The following TG variants were observed in gnomAD, a reference collection of about 807,000 sequenced individuals.
TG encodes the protein thyroglobulin, also known as thyroid hormones.
TG carries 270 observed loss-of-function variants against 324.7 expected under a neutral mutation model. The observed-to-expected ratio is 0.83, with a 90% confidence interval of 0.75 to 0.92. The LOEUF is 0.92. Ranked by LOEUF, TG falls within the 40% of genes least tolerant of loss-of-function variation. The probability of loss-of-function intolerance (pLI) is 0.00; values close to 1 mark genes in which losing one functional copy is unlikely to be tolerated. For missense variants in TG, 3,591 were observed against 3,456.4 expected (o/e 1.04, Z -0.98); for synonymous variants, 1,401 against 1,327.0 (o/e 1.06, Z -1.21).
intron 21 of TG, among the ~76,000 whole-genome samples, chr8:132,920,506 G>A (rs1820952604): frequency 6.6e-6 from 1 of 152,162 alleles, no homozygotes; most frequent in African/African-American, 2.4e-5. Flanking sequence ...TCTTCCTGGA[G>A]AATAAACTCT....
intron 16 of TG, among the ~76,000 whole-genome samples, chr8:132,904,678 AG>A: frequency 6.6e-6 from 1 of 152,286 alleles, no homozygotes; most frequent in Middle Eastern, 3.4e-3. Context: ...TGGCCCCAGG[AG>A]GAAAACCCCT....
At chr8:133,024,004 T>A (rs141946040) in intron 40 of TG, among the ~76,000 whole-genome samples, 1 of 152,256 alleles carries the variant, frequency 6.6e-6, no homozygotes. Context: ...GTTACACTTA[T>A]GGAGTGTGTC....
chr8:132,905,380 GGACCATT>G (rs1818530691), intron 16 of TG, among the ~76,000 whole-genome samples: 1 of 152,108 alleles, frequency 6.6e-6, no homozygotes, highest in Admixed American at 6.5e-5. Flanking sequence ...TCTTCGCCAG[GGACCATT>G]GCCCTTATCA....
chr8:132,876,280 A>G (rs1228617763), intron 5 of TG, among the ~76,000 whole-genome samples: 1 of 152,146 alleles, frequency 6.6e-6, no homozygotes, highest in Non-Finnish European at 1.5e-5. Context: ...ACCAGGTGGA[A>G]TCCACAGAAC....
At chr8:133,128,486 C>G (rs1024416608) in intron 45 of TG, among the ~76,000 whole-genome samples, 2 of 152,070 alleles carry the variant, frequency 1.3e-5, no homozygotes, top group Admixed American at 6.6e-5. Context: ...TGGCAACTTA[C>G]AGTTTTTAAA....
Position 132,977,615 on chromosome 8 carries a change from A to G in TG, c.6199+4874A>G, listed in dbSNP as rs114840720. 3.4e-3 allele frequency among the ~76,000 whole-genome samples: 521 copies of G among 152,278 alleles called. 4 individuals are homozygous for G. The highest frequency in any genetic ancestry group is 0.012 in the African/African-American group (503 of 41,562). ...CAGAAGCAAGTCACATCTTACATGA[A>G]TGGCAGCAGGCGAAGAGAGAAATTG... is the stretch of plus-strand genomic sequence containing the variant. On this transcript the variant is annotated intron_variant, in intron 34 of 47. Coordinates refer to ENST00000220616, the MANE Select transcript of TG (RefSeq NM_003235.5).
At chr8:133,012,056 A>C (rs1441508143) in intron 36 of TG, 21 bp downstream of exon 36, 1 of 1,614,098 alleles carries the variant, frequency 6.2e-7, no homozygotes, top group East Asian at 2.2e-5. Context: ...TTTCCAACCC[A>C]CAGGTTGGGT....
At chr8:133,126,937 G>C (rs1365806920) in intron 45 of TG, among the ~76,000 whole-genome samples, 1 of 152,122 alleles carries the variant, frequency 6.6e-6, no homozygotes, top group East Asian at 1.9e-4. Flanking sequence ...TATTTTATGG[G>C]GATGAGGTCA....
intron 41 of TG, chr8:133,045,011 G>A (rs763946614): frequency 1.2e-6 from 2 of 1,614,212 alleles, no homozygotes; most frequent in Non-Finnish European, 1.7e-6. Flanking sequence ...AGGTCCTCCA[G>A]GCACTGGAAG....
intron 35 of TG, among the ~76,000 whole-genome samples, chr8:132,984,836 A>G (rs1383904213): frequency 6.6e-6 from 1 of 151,764 alleles, no homozygotes; most frequent in East Asian, 1.9e-4. Flanking sequence ...CAGCTACTAG[A>G]GAGGCTGAGG....
chr8:133,075,310 G>A (rs529323640), intron 41 of TG, among the ~76,000 whole-genome samples: 4 of 152,252 alleles, frequency 2.6e-5, no homozygotes, highest in South Asian at 4.1e-4. Flanking sequence ...GAAGGCTGTG[G>A]CTAAGAGCTG....
intron 5 of TG, among the ~76,000 whole-genome samples, chr8:132,880,010 C>T (rs924640861): frequency 2.0e-5 from 3 of 152,230 alleles, no homozygotes; most frequent in Non-Finnish European, 2.9e-5. Flanking sequence ...GAACCCACCT[C>T]GGGCCAGCAC....
intron 41 of TG, among the ~76,000 whole-genome samples, chr8:133,070,800 G>T (rs1843889498): frequency 6.6e-6 from 1 of 152,176 alleles, no homozygotes; most frequent in Admixed American, 6.5e-5. Flanking sequence ...TGTGCACACT[G>T]GCCCGTGTCT....
chr8:133,056,544 G>C (rs1336664935), intron 41 of TG, among the ~76,000 whole-genome samples: 1 of 152,190 alleles, frequency 6.6e-6, no homozygotes, highest in Non-Finnish European at 1.5e-5. Flanking sequence ...AGGGACCCTG[G>C]AGTCAGACCA....
intron 22 of TG, among the ~76,000 whole-genome samples, chr8:132,927,474 A>G (rs1379909897): frequency 6.6e-6 from 1 of 152,244 alleles, no homozygotes; most frequent in Non-Finnish European, 1.5e-5. Flanking sequence ...TGCTTTCCTT[A>G]AGACATTTGT....
intron 16 of TG, among the ~76,000 whole-genome samples, chr8:132,904,336 A>G (rs993345095): frequency 3.3e-5 from 5 of 152,240 alleles, no homozygotes; most frequent in Non-Finnish European, 5.9e-5. Context: ...CAGGCGAGCC[A>G]CTTAGCTCCC....
intron 27 of TG, among the ~76,000 whole-genome samples, chr8:132,952,262 C>T (rs1301298196): frequency 3.3e-5 from 5 of 152,154 alleles, no homozygotes; most frequent in African/African-American, 1.2e-4. Context: ...CTGAGCACAG[C>T]AGGCTAGCGG....
chr8:133,040,012 C>G (rs1193692352), intron 41 of TG: 2 of 1,551,540 alleles, frequency 1.3e-6, no homozygotes, highest in Non-Finnish European at 1.7e-6. Flanking sequence ...ACACTCTCCT[C>G]CAGTCCACAG....
chr8:133,038,340 G>A, intron 41 of TG: 1 of 609,972 alleles, frequency 1.6e-6, no homozygotes, highest in Non-Finnish European at 2.9e-6. Context: ...CAGACACCAG[G>A]GAGGGGTTCC....
Sources: gnomAD v4.1 joint callset for allele counts (sites outside exome capture counted in the v4.1 genomes callset) on GRCh38, gnomAD v4.1.1 for gene constraint, MANE v1.5 for transcripts, NCBI Gene and HGNC (gene_info 2026-07-23, HGNC 2026-07-21) for gene names.